The following NAALADL2 variants were observed in gnomAD, a reference collection of about 807,000 sequenced individuals.
The protein encoded by NAALADL2 is inactive N-acetylated-alpha-linked acidic dipeptidase-like protein 2.
A neutral mutation model predicts 87.2 loss-of-function variants in NAALADL2; 76 were observed. That is an observed-to-expected ratio of 0.87 (90% CI 0.72 to 1.05). The LOEUF (loss-of-function observed/expected upper bound fraction) is 1.05. Ranked by LOEUF, NAALADL2 falls within the 50% of genes least tolerant of loss-of-function variation. The pLI is 0.00. For synonymous variants in NAALADL2, 354 were observed against 331.0 expected (o/e 1.07, Z -0.75); for missense variants, 1,089 against 945.8 (o/e 1.15, Z -1.99).
At chr3:174,473,521 C>T (rs1717034507) in intron 1 of NAALADL2, among the ~76,000 whole-genome samples, 1 of 152,076 alleles carries the variant, frequency 6.6e-6, no homozygotes, top group Admixed American at 6.6e-5. Flanking sequence ...TTGCCTTTCC[C>T]TTTCATGATT....
chr3:174,966,265 G>A lies in NAALADL2; in HGVS notation c.43+106815G>A, dbSNP rs541318132. Among the ~76,000 whole-genome samples the A allele has an allele frequency of 3.1e-4, 47 of 152,044 alleles. No individual in the cohort carries two copies. The East Asian group carries it at 4.3e-3, about 14-fold the overall frequency. On this transcript the variant is annotated intron_variant, in intron 1 of 13. Coordinates refer to ENST00000454872, the MANE Select transcript of NAALADL2 (RefSeq NM_207015.3). Reference sequence around the variant, plus strand: ...GCCAAGCACTTAGATTTTCTCCCTCGGCCTGTCATAATATGGCCATAGGCT... The same window carrying A: ...GCCAAGCACTTAGATTTTCTCCCTCAGCCTGTCATAATATGGCCATAGGCT...
chr3:175,288,807 C>T (rs1422108446), intron 4 of NAALADL2, among the ~76,000 whole-genome samples: 2 of 152,140 alleles, frequency 1.3e-5, no homozygotes, highest in East Asian at 1.9e-4. Flanking sequence ...ATGCTGAGCT[C>T]TATGCTTGCC....
chr3:175,440,030 T>A (rs1479064390), intron 5 of NAALADL2, among the ~76,000 whole-genome samples: 1 of 152,154 alleles, frequency 6.6e-6, no homozygotes, highest in African/African-American at 2.4e-5. Flanking sequence ...AGGACTTAGA[T>A]TTAATTTGGT....
chr3:175,342,599 G>A (rs915954564), intron 5 of NAALADL2, among the ~76,000 whole-genome samples: 1 of 151,744 alleles, frequency 6.6e-6, no homozygotes, highest in African/African-American at 2.4e-5. Flanking sequence ...GAGGTGCTCT[G>A]GATATTTTAT....
chr3:174,618,254 C>T (rs1720669895), intron 2 of NAALADL2, among the ~76,000 whole-genome samples: 1 of 151,700 alleles, frequency 6.6e-6, no homozygotes, highest in African/African-American at 2.4e-5. Flanking sequence ...CCATAAATTG[C>T]TTGTCCACTT....
intron 1 of NAALADL2, among the ~76,000 whole-genome samples, chr3:174,945,603 T>C (rs1177774494): frequency 6.6e-6 from 1 of 152,192 alleles, no homozygotes; most frequent in Non-Finnish European, 1.5e-5. Flanking sequence ...TATCCCAGAC[T>C]TCAAGATTGA....
chr3:175,403,831 G>A (rs1413308294), intron 5 of NAALADL2, among the ~76,000 whole-genome samples: 1 of 152,058 alleles, frequency 6.6e-6, no homozygotes, highest in East Asian at 1.9e-4. Flanking sequence ...CACGGCATTA[G>A]AACTGAATCA....
chr3:175,070,821 A>G (rs995532427), intron 1 of NAALADL2, among the ~76,000 whole-genome samples: 1 of 152,130 alleles, frequency 6.6e-6, no homozygotes, highest in Non-Finnish European at 1.5e-5. Flanking sequence ...TTTGAAAAAT[A>G]AAAGTACATA....
chr3:174,445,690 A>T (rs1035342996), intron 1 of NAALADL2, among the ~76,000 whole-genome samples: 1 of 152,104 alleles, frequency 6.6e-6, no homozygotes, highest in Non-Finnish European at 1.5e-5. Context: ...GATGTGATTT[A>T]TATGTGGTTT....
chr3:175,361,274 C>T (rs1283172239), intron 5 of NAALADL2, among the ~76,000 whole-genome samples: 1 of 149,564 alleles, frequency 6.7e-6, no homozygotes, highest in East Asian at 2.0e-4. Flanking sequence ...CACTGATGGA[C>T]ATTTGGGTTG....
rs564123107 is a variant in NAALADL2, at chr3:174,929,269, T to C, written c.43+69819T>C. On this transcript the variant is annotated intron_variant, in intron 1 of 13. Transcript: ENST00000454872. ...AGTTTAGATTTTATTCTAAGTGTAA[T>C]GGGAAATCACTGAAGGATTGCAGTG... Among the ~76,000 whole-genome samples, 8 of 152,290 alleles carry C rather than the reference T, an allele frequency of 5.3e-5. No homozygotes were observed. The South Asian group carries it at 1.5e-3, about 28-fold the overall frequency.
chr3:175,503,492 C>G (rs555470386), intron 9 of NAALADL2, among the ~76,000 whole-genome samples: 1 of 152,042 alleles, frequency 6.6e-6, no homozygotes, highest in Non-Finnish European at 1.5e-5. Context: ...TTAAGTTCTT[C>G]GAGAAATTGC....
chr3:174,659,964 A>G (rs893414203), intron 2 of NAALADL2, among the ~76,000 whole-genome samples: 7 of 152,132 alleles, frequency 4.6e-5, no homozygotes, highest in Non-Finnish European at 1.0e-4. Flanking sequence ...CGCTTGAAAC[A>G]GTTCATATTC....
At chr3:175,788,360 G>A (rs943163943) in intron 13 of NAALADL2, among the ~76,000 whole-genome samples, 5 of 152,036 alleles carry the variant, frequency 3.3e-5, no homozygotes, top group Admixed American at 6.6e-5. Context: ...CAAAGTCCTA[G>A]GATTATAGGG....
intron 2 of NAALADL2, among the ~76,000 whole-genome samples, chr3:175,233,041 T>C (rs1173240601): frequency 6.6e-6 from 1 of 152,196 alleles, no homozygotes; most frequent in African/African-American, 2.4e-5. Flanking sequence ...GATTATGGGA[T>C]AGGTATAGAA....
intron 2 of NAALADL2, among the ~76,000 whole-genome samples, chr3:174,643,383 G>A (rs78459942): frequency 6.6e-6 from 1 of 152,194 alleles, no homozygotes; most frequent in African/African-American, 2.4e-5. Context: ...GCCAGGTGCA[G>A]TGGCTCATGC....
chr3:174,533,038 A>C (rs964221777), intron 1 of NAALADL2, among the ~76,000 whole-genome samples: 1 of 150,992 alleles, frequency 6.6e-6, no homozygotes, highest in Non-Finnish European at 1.5e-5. Context: ...AAGAGGACTA[A>C]CTTTCTAGCT....
intron 6 of NAALADL2, among the ~76,000 whole-genome samples, chr3:175,449,325 C>T (rs1443355885): frequency 6.6e-6 from 1 of 151,920 alleles, no homozygotes; most frequent in Non-Finnish European, 1.5e-5. Flanking sequence ...AGCAATCCTC[C>T]TGCTTGTCTC....
intron 9 of NAALADL2, among the ~76,000 whole-genome samples, chr3:175,545,780 A>C (rs2149479500): frequency 6.6e-6 from 1 of 152,240 alleles, no homozygotes; most frequent in Middle Eastern, 3.4e-3. Context: ...AACACATCAA[A>C]ATTCTGAAAG....
Sources: allele counts gnomAD v4.1 joint callset (sites outside exome capture counted in the v4.1 genomes callset), GRCh38; gene constraint gnomAD v4.1.1; transcripts MANE v1.5; gene names NCBI Gene and HGNC (gene_info 2026-07-23, HGNC 2026-07-21).